PSMD1: variants seen among roughly 807,000 people sequenced by gnomAD.
The protein encoded by PSMD1 is proteasome 26S subunit, non-ATPase 1.
In PSMD1, 18 loss-of-function variants were observed where a neutral mutation model predicts 119.0. The ratio of observed to expected loss-of-function variants is 0.15; its 90% confidence interval spans 0.10 to 0.22. The LOEUF (loss-of-function observed/expected upper bound fraction) is 0.22. PSMD1 is among the 10% of genes least tolerant of loss of function. The probability of loss-of-function intolerance (pLI) is 1.00; values close to 1 mark genes in which losing one functional copy is unlikely to be tolerated. For synonymous variants in PSMD1, 374 were observed against 396.6 expected (o/e 0.94, Z 0.68); for missense variants, 702 against 1,158.5 (o/e 0.61, Z 5.72).
In PSMD1 at chr2:231,066,791, T is replaced by G. The variant is rs1297936879; in HGVS notation, c.305-115T>G. ...GCATAAGTTCTAGCATTTCAAAATT[T>G]GCTTATTGCTTTATAGTCATCCCAT... On this transcript the variant is annotated intron_variant, in intron 4 of 24. Coordinates refer to ENST00000308696, the MANE Select transcript of PSMD1 (RefSeq NM_002807.4). 5.2e-6 allele frequency: 4 copies of G among 775,084 alleles called. No individual in the cohort carries two copies. In the African/African-American group the frequency reaches 7.1e-5, roughly 14 times the overall value. 48.0% of individuals were successfully genotyped at this position (775,084 alleles called of 1,614,324 possible). A position where few individuals can be genotyped will look rare whatever the true frequency, so the allele number is the denominator to read the frequency against.
chr2:231,139,314 C>CTTTTTTTTTTTTTTTTTTTTTTT, intron 17 of PSMD1, among the ~76,000 whole-genome samples: 1 of 93,540 alleles, frequency 1.1e-5, no homozygotes, highest in Non-Finnish European at 2.0e-5. Context: ...TTTTTTCTTT[C>CTTTTTTTTTTTTTTTTTTTTTTT]TTTTTTTTTT....
chr2:231,163,592 C>T (rs1293116759), intron 20 of PSMD1, 43 bp from the exon 21 acceptor site: 4 of 1,466,040 alleles, frequency 2.7e-6, no homozygotes, highest in African/African-American at 1.4e-5. Flanking sequence ...GTGGAGAGCA[C>T]AGAGTACTTA....
intron 4 of PSMD1, 67 bp downstream of exon 4, chr2:231,062,742 GC>G: frequency 7.8e-7 from 1 of 1,278,538 alleles, no homozygotes; most frequent in Non-Finnish European, 1.0e-6. Context: ...GCACATAGAA[GC>G]TTTTTTCCTG....
chr2:231,156,737 G>C (rs1295982120), intron 19 of PSMD1, among the ~76,000 whole-genome samples: 1 of 151,848 alleles, frequency 6.6e-6, no homozygotes, highest in African/African-American at 2.4e-5. Context: ...CAGTGTACAT[G>C]GTGCTTTGAG....
At chr2:231,150,813 AC>A (rs997655028) in intron 18 of PSMD1, among the ~76,000 whole-genome samples, 40 of 152,300 alleles carry the variant, frequency 2.6e-4, no homozygotes, top group African/African-American at 8.9e-4. Context: ...GACAAAAAAA[AC>A]ACCTCCAAAA....
intron 2 of PSMD1, among the ~76,000 whole-genome samples, chr2:231,061,575 T>C (rs1693762096): frequency 6.6e-6 from 1 of 152,162 alleles, no homozygotes; most frequent in Non-Finnish European, 1.5e-5. Context: ...TAATCTTTTT[T>C]CTTTTTTGAG....
intron 15 of PSMD1, 42 bp from the exon 16 acceptor site, chr2:231,087,075 T>G: frequency 6.4e-7 from 1 of 1,558,380 alleles, no homozygotes; most frequent in Non-Finnish European, 8.8e-7. Context: ...GGTCTAGTGG[T>G]AGACTACATA....
In PSMD1 at chr2:231,146,227, T is replaced by C; in HGVS notation, c.1999-13T>C. The C allele has an allele frequency of 6.3e-7, 1 of 1,582,538 alleles. No individual in the cohort carries two copies. The highest frequency in any genetic ancestry group is 8.7e-7 in the Non-Finnish European group (1 of 1,152,192). ...TTTATTTAAAAGTTGTGTGTTTTTT[T>C]AAATTCTTTCAGGAAGCCATTAATT... On this transcript the variant is annotated splice_polypyrimidine_tract_variant and intron_variant, in intron 17 of 24. Transcript: ENST00000308696.
chr2:231,080,354 G>A (rs749403624), intron 12 of PSMD1, 40 bp downstream of exon 12: 1 of 1,463,194 alleles, frequency 6.8e-7, no homozygotes, highest in Admixed American at 2.0e-5. Context: ...CAAAACTCAA[G>A]AATCCAGGAT....
chr2:231,070,211 T>A (rs1179222165), intron 6 of PSMD1, 43 bp downstream of exon 6: 1 of 1,422,952 alleles, frequency 7.0e-7, no homozygotes. Flanking sequence ...CTCCACGCTG[T>A]ACTGTGCTAT....
intron 18 of PSMD1, 74 bp from the exon 19 acceptor site, chr2:231,153,490 A>T: frequency 9.6e-7 from 1 of 1,041,476 alleles, no homozygotes; most frequent in Non-Finnish European, 1.5e-6. Flanking sequence ...CATTGGAGCA[A>T]TATTATTCCC....
intron 6 of PSMD1, among the ~76,000 whole-genome samples, chr2:231,071,337 T>G (rs1694037301): frequency 6.6e-6 from 1 of 152,080 alleles, no homozygotes; most frequent in South Asian, 2.1e-4. Context: ...AGATAATATG[T>G]TCATGTGATT....
At chr2:231,057,436 A>G (rs1693628595) in intron 1 of PSMD1, among the ~76,000 whole-genome samples, 1 of 152,228 alleles carries the variant, frequency 6.6e-6, no homozygotes, top group African/African-American at 2.4e-5. Flanking sequence ...GCCATTGAAC[A>G]GTAAGGCAAA....
chr2:231,146,208 TA>T, intron 17 of PSMD1, 31 bp from the exon 18 acceptor site: 1 of 1,455,862 alleles, frequency 6.9e-7, no homozygotes, highest in Non-Finnish European at 9.6e-7. Flanking sequence ...CAACTTTATT[TA>T]AAAGTTGTGT....
At chr2:231,163,867 G>A in intron 21 of PSMD1, 140 bp downstream of exon 21, 1 of 662,736 alleles carries the variant, frequency 1.5e-6, no homozygotes, top group Non-Finnish European at 2.5e-6. Flanking sequence ...AGAATATGAA[G>A]TGAAAGTCCT....
chr2:231,163,811 A>G, intron 21 of PSMD1, 84 bp downstream of exon 21: 3 of 994,600 alleles, frequency 3.0e-6, no homozygotes, highest in Non-Finnish European at 4.5e-6. Context: ...ACTATCTTTT[A>G]TGTTTTAAAA....
At chr2:231,084,926 C>T in intron 14 of PSMD1, 93 bp from the exon 15 acceptor site, 1 of 969,734 alleles carries the variant, frequency 1.0e-6, no homozygotes, top group Non-Finnish European at 1.6e-6. Flanking sequence ...TATCTGAGAC[C>T]AGCTTACTTG....
Position 231,077,130 on chromosome 2 carries a change from A to G in PSMD1, c.1039A>G (p.Asn347Asp). Residue 347 changes from asparagine to aspartate, a missense_variant, in exon 9 of 25, where the codon AAT becomes GAT. Around this residue, in one of 9 missense-constraint regions of PSMD1, gnomAD observed 272 missense variants for 511.6 expected, o/e 0.53. Coordinates refer to ENST00000308696, the MANE Select transcript of PSMD1 (RefSeq NM_002807.4). Reference protein sequence around the residue: ...LHLQFLIRNNNTDLMILKNTK... With the variant: ...LHLQFLIRNNDTDLMILKNTK... The stretch of plus-strand genomic sequence containing the variant: ...TCTGCAGTTCTTAATACGAAACAAT[A>G]ATACAGACCTCATGATTCTAAAAAA... The G allele has an allele frequency of 6.4e-7, 1 of 1,571,128 alleles. No individual in the cohort carries two copies. Among genetic ancestry groups the G allele is most frequent in the Non-Finnish European group, 8.7e-7 (1 of 1,154,628 alleles).
intron 17 of PSMD1, among the ~76,000 whole-genome samples, chr2:231,139,677 A>G (rs1322976271): frequency 6.6e-6 from 1 of 152,020 alleles, no homozygotes. Context: ...TATAATTAGT[A>G]TTCTGGAAAA....
Sources: allele counts gnomAD v4.1 joint callset (sites outside exome capture counted in the v4.1 genomes callset), GRCh38; gene constraint gnomAD v4.1.1; regional missense constraint gnomAD v4.1.1; transcripts MANE v1.5; gene names NCBI Gene and HGNC (gene_info 2026-07-23, HGNC 2026-07-21).